PCDHGA1: variants seen among roughly 807,000 people sequenced by gnomAD.
The protein encoded by PCDHGA1 is protocadherin gamma-A1.
In PCDHGA1, 32 loss-of-function variants were observed where a neutral mutation model predicts 58.0. That is an observed-to-expected ratio of 0.55 (90% CI 0.42 to 0.74). The LOEUF (loss-of-function observed/expected upper bound fraction) is 0.74. PCDHGA1 is among the 30% of genes least tolerant of loss of function. The probability of loss-of-function intolerance (pLI) is 0.00; values close to 1 mark genes in which losing one functional copy is unlikely to be tolerated. For synonymous variants in PCDHGA1, 498 were observed against 501.1 expected (o/e 0.99, Z 0.08); for missense variants, 1,205 against 1,182.3 (o/e 1.02, Z -0.28).
chr5:141,386,566 T>C (rs577943993), intron 1 of PCDHGA1, among the ~76,000 whole-genome samples: 30 of 152,200 alleles, frequency 2.0e-4, no homozygotes, highest in African/African-American at 7.2e-4. Flanking sequence ...TTGCACATGA[T>C]AGACTCTGTA....
intron 1 of PCDHGA1, chr5:141,359,974 G>A: frequency 1.4e-5 from 10 of 717,304 alleles, no homozygotes; most frequent in Non-Finnish European, 2.0e-5. Context: ...GCGTTTGGGA[G>A]CCTCTTAGAG....
intron 1 of PCDHGA1, chr5:141,342,252 A>G (rs1757140925): frequency 6.6e-6 from 1 of 152,168 alleles, no homozygotes; most frequent in South Asian, 2.1e-4. Flanking sequence ...TTCTTTATAC[A>G]TCTCTCTTCT....
At chr5:141,394,310 GC>G in intron 1 of PCDHGA1, 6 of 1,613,936 alleles carry the variant, frequency 3.7e-6, no homozygotes, top group Non-Finnish European at 5.1e-6. Context: ...TGCAGGGGGC[GC>G]CCCTGTCCTC....
At chr5:141,404,112 A>G (rs372014000) in intron 1 of PCDHGA1, 3 of 1,613,380 alleles carry the variant, frequency 1.9e-6, no homozygotes, top group Non-Finnish European at 2.5e-6. Context: ...TGTTCTATCC[A>G]GGAGAATCTA....
chr5:141,432,250 A>T lies in PCDHGA1; in HGVS notation c.2422-62557A>T. ...ATTCCCTGGCTGAGAACACCATCCA[A>T]GGGGCAAGCCTATCGTCCTACGTGT... is the stretch of plus-strand genomic sequence containing the variant. On this transcript the variant is annotated intron_variant, in intron 1 of 3. Transcript: ENST00000517417. This position sits in a 1 kb window ranked among gnomAD's most constrained non-coding sequence, Gnocchi z 6.0. 1 of 1,614,234 alleles carries T rather than the reference A, an allele frequency of 6.2e-7. No homozygotes were observed. Among genetic ancestry groups the T allele is most frequent in the Non-Finnish European group, 8.5e-7 (1 of 1,180,054 alleles).
At chr5:141,403,864 A>C in intron 1 of PCDHGA1, 1 of 1,613,794 alleles carries the variant, frequency 6.2e-7, no homozygotes, top group Non-Finnish European at 8.5e-7. Flanking sequence ...TATCAACAGC[A>C]AAAAGTCTAG....
chr5:141,349,331 A>C (rs943183945), intron 1 of PCDHGA1, among the ~76,000 whole-genome samples: 1 of 152,182 alleles, frequency 6.6e-6, no homozygotes, highest in Admixed American at 6.5e-5. Context: ...TGGCCTCCCA[A>C]AGTGCTGGGA....
chr5:141,435,781 C>T (rs3828680), intron 1 of PCDHGA1, among the ~76,000 whole-genome samples: 81,882 of 151,942 alleles, frequency 0.54, 24,120 homozygotes, highest in African/African-American at 0.79. Flanking sequence ...TGTAAAGGTG[C>T]AGGGAAACAT....
chr5:141,481,021 GC>G (rs2099529893), intron 1 of PCDHGA1, among the ~76,000 whole-genome samples: 1 of 152,076 alleles, frequency 6.6e-6, no homozygotes, highest in Non-Finnish European at 1.5e-5. Context: ...TCACACCACT[GC>G]ACTCCAGCCT....
chr5:141,346,786 A>G lies in PCDHGA1; in HGVS notation c.2421+13681A>G, dbSNP rs546937731. ...CTTCTACCTGGGTCCTTGAGTAACT[A>G]TGATGAGAGAAACACAACACTGGTT... On this transcript the variant is annotated intron_variant, in intron 1 of 3. Transcript: ENST00000517417. 2.0e-5 allele frequency among the ~76,000 whole-genome samples: 3 copies of G among 152,358 alleles called. No individual in the cohort carries two copies. In the East Asian group the frequency reaches 5.8e-4, roughly 29 times the overall value.
chr5:141,443,163 T>C (rs1054542792), intron 1 of PCDHGA1, among the ~76,000 whole-genome samples: 3 of 152,172 alleles, frequency 2.0e-5, no homozygotes, highest in Non-Finnish European at 4.4e-5. Context: ...TTTATTTCCC[T>C]ACCCATGTCC....
At position 141,487,152 on chromosome 5, in the gene PCDHGA1, C is replaced by T. The variant is rs772254681; in HGVS notation, c.2422-7655C>T. On this transcript the variant is annotated intron_variant, in intron 1 of 3. Coordinates refer to ENST00000517417, the MANE Select transcript of PCDHGA1 (RefSeq NM_018912.3). The surrounding 1 kb of genome is among the most constrained non-coding windows in gnomAD (Gnocchi z 5.0). ...AGTCCACCACTCTCTACCTCTGTTA[C>T]TCTCTTAGTGTCCTTAGAGGAAGAC... 3.7e-6 allele frequency: 6 copies of T among 1,613,860 alleles called. No homozygotes were observed. Among genetic ancestry groups the T allele is most frequent in the Non-Finnish European group, 5.1e-6 (6 of 1,179,828 alleles).
chr5:141,384,973 T>C, intron 1 of PCDHGA1: 1 of 1,613,956 alleles, frequency 6.2e-7, no homozygotes, highest in Non-Finnish European at 8.5e-7. Flanking sequence ...CCTCACGTTG[T>C]ACCTGGTGGT....
chr5:141,410,730 C>CT (rs1191642079), intron 1 of PCDHGA1: 2 of 1,347,822 alleles, frequency 1.5e-6, no homozygotes, highest in Admixed American at 2.5e-5. Context: ...AAATCCATAG[C>CT]TTTTTACAAT....
At chr5:141,448,185 G>A (rs2098572532) in intron 1 of PCDHGA1, among the ~76,000 whole-genome samples, 1 of 152,020 alleles carries the variant, frequency 6.6e-6, no homozygotes, top group Non-Finnish European at 1.5e-5. Flanking sequence ...CCCTGGTTAT[G>A]TACACTTACA....
At chr5:141,343,108 C>T (rs756281525) in intron 1 of PCDHGA1, 2 of 182,480 alleles carry the variant, frequency 1.1e-5, no homozygotes, top group African/African-American at 2.4e-5. Context: ...CACTGCAATT[C>T]CCTGTTTGCT....
chr5:141,459,315 T>A (rs2154566534), intron 1 of PCDHGA1, among the ~76,000 whole-genome samples: 1 of 152,362 alleles, frequency 6.6e-6, no homozygotes, highest in Non-Finnish European at 1.5e-5. Flanking sequence ...CTATTTTGTA[T>A]CCATCTTCTT....
intron 2 of PCDHGA1, among the ~76,000 whole-genome samples, chr5:141,504,579 G>T (rs994771989): frequency 2.0e-5 from 3 of 149,174 alleles, no homozygotes; most frequent in Non-Finnish European, 4.4e-5. Context: ...AACACCATCT[G>T]CCCAGGATTC....
Position 141,331,656 on chromosome 5 carries a change from TGCG to T in PCDHGA1, c.974_976del (p.Ala325del). 8 of 1,614,098 alleles carry T rather than the reference TGCG, an allele frequency of 5.0e-6. No individual in the cohort carries two copies. Among genetic ancestry groups the T allele is most frequent in the Non-Finnish European group, 6.8e-6 (8 of 1,180,030 alleles). ...CAATGGAAGTTCAAGCCCAGGATGG[TGCG>T]GGGCTCATGGCTAAAGTTAAGGTAC... On this transcript the variant is annotated inframe_deletion, in exon 1 of 4. Coordinates refer to ENST00000517417, the MANE Select transcript of PCDHGA1 (RefSeq NM_018912.3).
Sources: allele counts gnomAD v4.1 joint callset (sites outside exome capture counted in the v4.1 genomes callset), GRCh38; gene constraint gnomAD v4.1.1; non-coding constraint Gnocchi (gnomAD v3.1); transcripts MANE v1.5; gene names NCBI Gene and HGNC (gene_info 2026-07-23, HGNC 2026-07-21).